Variants in GNA14 observed in about 807,000 individuals in gnomAD.
GNA14 encodes the protein G protein subunit alpha 14.
In GNA14, 50 loss-of-function variants were observed where a neutral mutation model predicts 42.0. That is an observed-to-expected ratio of 1.19 (90% confidence interval 0.95 to 1.51). The LOEUF (loss-of-function observed/expected upper bound fraction) is 1.51. Ranked by LOEUF, GNA14 falls within the 40% of genes most tolerant of loss-of-function variation. The pLI, the probability that GNA14 is intolerant of heterozygous loss-of-function variation, is 0.00. For synonymous variants in GNA14, 173 were observed against 163.1 expected (o/e 1.06, Z -0.46); for missense variants, 473 against 446.2 (o/e 1.06, Z -0.54).
At chr9:77,614,301 A>T (rs1823776644) in intron 1 of GNA14, among the ~76,000 whole-genome samples, 1 of 152,066 alleles carries the variant, frequency 6.6e-6, no homozygotes, top group African/African-American at 2.4e-5. Context: ...TTCCACCCAC[A>T]TCCCAGTGAC....
chr9:77,578,269 C>T (rs956155053), intron 1 of GNA14, among the ~76,000 whole-genome samples: 13 of 152,150 alleles, frequency 8.5e-5, no homozygotes, highest in Non-Finnish European at 1.6e-4. Flanking sequence ...AGTGAGACTC[C>T]GTCTCAAACA....
At chr9:77,542,342 G>A (rs1173081659) in intron 1 of GNA14, among the ~76,000 whole-genome samples, 3 of 152,172 alleles carry the variant, frequency 2.0e-5, no homozygotes, top group Non-Finnish European at 4.4e-5. Context: ...GTGGCTTAGG[G>A]TGCAGTTATT....
chr9:77,536,418 T>C (rs1016596064), intron 1 of GNA14, among the ~76,000 whole-genome samples: 4 of 152,212 alleles, frequency 2.6e-5, no homozygotes, highest in African/African-American at 9.7e-5. Context: ...TCACACGATC[T>C]TGGTTTACTG....
At chr9:77,549,457 G>T (rs116995734) in intron 1 of GNA14, among the ~76,000 whole-genome samples, 6,655 of 152,170 alleles carry the variant, frequency 0.044, 156 homozygotes, top group African/African-American at 0.051. Flanking sequence ...TTGACTCCAT[G>T]TCACCCAAAA....
intron 2 of GNA14, among the ~76,000 whole-genome samples, chr9:77,436,108 C>T (rs1368028130): frequency 6.6e-6 from 1 of 152,228 alleles, no homozygotes; most frequent in Non-Finnish European, 1.5e-5. Context: ...CTGGCTCATC[C>T]TAACCAAGGA....
At chr9:77,583,369 G>A (rs139820224) in intron 1 of GNA14, among the ~76,000 whole-genome samples, 1 of 152,180 alleles carries the variant, frequency 6.6e-6, no homozygotes. Flanking sequence ...ATGTGGAAAA[G>A]CTCTGGCAAC....
chr9:77,459,949 C>T, intron 2 of GNA14, among the ~76,000 whole-genome samples: 1 of 152,168 alleles, frequency 6.6e-6, no homozygotes, highest in East Asian at 1.9e-4. Flanking sequence ...TGTGCGGGCA[C>T]CAATGGGTCT....
At chr9:77,468,870 A>G (rs947626451) in intron 2 of GNA14, among the ~76,000 whole-genome samples, 10 of 152,224 alleles carry the variant, frequency 6.6e-5, no homozygotes, top group Admixed American at 2.0e-4. Flanking sequence ...GTTCTAGGTC[A>G]CTGAGACTTG....
chr9:77,518,762 C>T (rs1286171268), intron 2 of GNA14, among the ~76,000 whole-genome samples: 1 of 152,170 alleles, frequency 6.6e-6, no homozygotes, highest in East Asian at 1.9e-4. Flanking sequence ...CACACAGAAG[C>T]AAATAACTTC....
At chr9:77,468,391 T>C (rs1249210998) in intron 2 of GNA14, among the ~76,000 whole-genome samples, 1 of 152,210 alleles carries the variant, frequency 6.6e-6, no homozygotes, top group Non-Finnish European at 1.5e-5. Context: ...ACACTGCCAT[T>C]CTGAAGGTCT....
intron 1 of GNA14, among the ~76,000 whole-genome samples, chr9:77,566,170 T>TTC (rs1822965491): frequency 7.7e-6 from 1 of 129,912 alleles, no homozygotes; most frequent in African/African-American, 3.4e-5. Context: ...TTTTTTTTTT[T>TTC]CTGAGACAGG....
chr9:77,505,981 T>G (rs550565165), intron 2 of GNA14, among the ~76,000 whole-genome samples: 48 of 152,046 alleles, frequency 3.2e-4, no homozygotes, highest in African/African-American at 1.1e-3. Context: ...AAAAAGAGGC[T>G]GGGTATGGTG....
intron 2 of GNA14, among the ~76,000 whole-genome samples, chr9:77,468,940 T>G (rs1836281316): frequency 6.6e-6 from 1 of 152,228 alleles, no homozygotes; most frequent in Admixed American, 6.5e-5. Flanking sequence ...ATGCTGTTCT[T>G]AAAACTCTCA....
intron 1 of GNA14, among the ~76,000 whole-genome samples, chr9:77,571,160 C>T (rs1823052720): frequency 6.6e-6 from 1 of 152,172 alleles, no homozygotes. Flanking sequence ...TTTTCCTCCA[C>T]ACTCTTATGC....
intron 2 of GNA14, among the ~76,000 whole-genome samples, chr9:77,495,888 A>G (rs914413268): frequency 1.3e-5 from 2 of 152,208 alleles, no homozygotes; most frequent in Admixed American, 6.5e-5. Flanking sequence ...TTGCTCTATT[A>G]AACAAGTAAA....
At chr9:77,531,992 A>G (rs1837536118) in intron 1 of GNA14, among the ~76,000 whole-genome samples, 3 of 152,194 alleles carry the variant, frequency 2.0e-5, no homozygotes, top group Admixed American at 2.0e-4. Context: ...GCGGAGCAAA[A>G]GAGGGCAGAG....
chr9:77,583,628 A>T (rs950255045), intron 1 of GNA14, among the ~76,000 whole-genome samples: 2 of 152,208 alleles, frequency 1.3e-5, no homozygotes, highest in Non-Finnish European at 2.9e-5. Flanking sequence ...TACAAGCTTG[A>T]GATGAGATCC....
At chr9:77,551,815 G>A (rs138439375) in intron 1 of GNA14, among the ~76,000 whole-genome samples, 3 of 152,130 alleles carry the variant, frequency 2.0e-5, no homozygotes, top group South Asian at 4.2e-4. Context: ...AGTGATTTTA[G>A]AAGGCCAGTA....
At chr9:77,572,960 C>G (rs979090817) in intron 1 of GNA14, among the ~76,000 whole-genome samples, 4 of 152,162 alleles carry the variant, frequency 2.6e-5, no homozygotes, top group African/African-American at 7.2e-5. Context: ...TAAACTATGA[C>G]TAATAAGCCA....
Sources: gnomAD v4.1 joint callset for allele counts (sites outside exome capture counted in the v4.1 genomes callset) on GRCh38, gnomAD v4.1.1 for gene constraint, MANE v1.5 for transcripts, NCBI Gene and HGNC (gene_info 2026-07-23, HGNC 2026-07-21) for gene names.